GALK2: variants seen among roughly 807,000 people sequenced by gnomAD.
GALK2 encodes the protein N-acetylgalactosamine kinase.
GALK2 carries 36 observed loss-of-function variants against 52.4 expected under a neutral mutation model. The ratio of observed to expected loss-of-function variants is 0.69; its 90% CI spans 0.53 to 0.91. The LOEUF (loss-of-function observed/expected upper bound fraction) is 0.91, where lower values mean the gene tolerates loss of function less well. Among genes scored for constraint, GALK2 ranks in the 40% least tolerant of loss-of-function variants. The probability of loss-of-function intolerance (pLI) is 0.00; values close to 1 mark genes in which losing one functional copy is unlikely to be tolerated. For missense variants in GALK2, 579 were observed against 559.1 expected (o/e 1.04, Z -0.36); for synonymous variants, 176 against 199.1 (o/e 0.88, Z 0.98).
At chr15:49,251,481 A>G (rs111450060) in intron 5 of GALK2, among the ~76,000 whole-genome samples, 1,957 of 152,316 alleles carry the variant, frequency 0.013, 25 homozygotes, top group South Asian at 0.053. Context: ...GTGCTGGCAG[A>G]GGTTCATTAC....
At chr15:49,203,527 T>A (rs913340581) in intron 2 of GALK2, among the ~76,000 whole-genome samples, 2 of 152,212 alleles carry the variant, frequency 1.3e-5, no homozygotes, top group African/African-American at 4.8e-5. Context: ...GCTTTTTAGT[T>A]TGATATAATT....
At chr15:49,299,759 C>CTTTCT (rs1567037515) in intron 8 of GALK2, among the ~76,000 whole-genome samples, 3 of 113,452 alleles carry the variant, frequency 2.6e-5, no homozygotes, top group African/African-American at 9.7e-5. Context: ...TTCTTTCTTT[C>CTTTCT]TTTCTTTCTT....
At chr15:49,295,622 G>C (rs1486485848) in intron 8 of GALK2, among the ~76,000 whole-genome samples, 1 of 152,088 alleles carries the variant, frequency 6.6e-6, no homozygotes, top group Non-Finnish European at 1.5e-5. Flanking sequence ...TCTTAACTAA[G>C]TTCTGTCCTG....
intron 1 of GALK2, among the ~76,000 whole-genome samples, chr15:49,191,376 G>T (rs1212840249): frequency 6.6e-6 from 1 of 151,914 alleles, no homozygotes; most frequent in African/African-American, 2.4e-5. Context: ...ACTTAGTTTT[G>T]GTTTGCTGAT....
chr15:49,207,816 C>T (rs1444308082), intron 2 of GALK2, among the ~76,000 whole-genome samples: 1 of 152,102 alleles, frequency 6.6e-6, no homozygotes, highest in Non-Finnish European at 1.5e-5. Context: ...TCGCTTTTGT[C>T]ACCCAGGCTG....
chr15:49,340,133 T>C (rs188862007), intron 3 of GALK2, among the ~76,000 whole-genome samples: 21 of 152,276 alleles, frequency 1.4e-4, no homozygotes, highest in Non-Finnish European at 2.8e-4. Context: ...AACTGTTCTG[T>C]CTCACTGGTG....
chr15:49,183,348 G>T lies in GALK2; in HGVS notation c.53+12973G>T, dbSNP rs184287776. Reference sequence around the variant, plus strand: ...TCCATCACTGTAACCCAAAGGTTTTGCTGTGTTGTGTTTCCATTTTTATTT... The same window carrying T: ...TCCATCACTGTAACCCAAAGGTTTTTCTGTGTTGTGTTTCCATTTTTATTT... On this transcript the variant is annotated intron_variant, in intron 1 of 9. Transcript: ENST00000560031. 3.0e-3 allele frequency among the ~76,000 whole-genome samples: 455 copies of T among 152,136 alleles called. 4 individuals carry two copies. The highest frequency in any genetic ancestry group is 0.01 in the African/African-American group (431 of 41,510).
At chr15:49,340,369 G>A (rs774988917) in intron 3 of GALK2, among the ~76,000 whole-genome samples, 2 of 151,236 alleles carry the variant, frequency 1.3e-5, no homozygotes, top group East Asian at 2.0e-4. Flanking sequence ...GGAGTTCCCC[G>A]GCCCCTTGTG....
At chr15:49,324,039 C>T (rs2037121987) in intron 9 of GALK2, among the ~76,000 whole-genome samples, 1 of 152,066 alleles carries the variant, frequency 6.6e-6, no homozygotes, top group Non-Finnish European at 1.5e-5. Context: ...AATTTTGAAA[C>T]CAAGTCAGTT....
At position 49,299,807 on chromosome 15, in the gene GALK2, TGAGAG is replaced by T. The variant is rs1555428437; in HGVS notation, c.967+7271_967+7275del. 9.4e-3 allele frequency among the ~76,000 whole-genome samples: 1,278 copies of T among 135,352 alleles called. 31 individuals carry two copies. The highest frequency in any genetic ancestry group is 0.021 in the African/African-American group (730 of 34,838). The allele number at this position is 135,352 out of a possible 152,430, so 88.8% of individuals were successfully genotyped here. A position where few individuals can be genotyped will look rare whatever the true frequency, so the allele number is the denominator to read the frequency against. On this transcript the variant is annotated intron_variant, in intron 8 of 9. Coordinates refer to ENST00000560031, the MANE Select transcript of GALK2 (RefSeq NM_002044.4). ...TCTTTCTTTCTTTCGTGCTGTAGTC[TGAGAG>T]CGTGATTGGTATGATTTTTTTTTTA...
intron 8 of GALK2, among the ~76,000 whole-genome samples, chr15:49,299,710 C>CTTTCTTTCTTTCTTTCTTTCTTTCTTTCT (rs2034808992): frequency 1.2e-4 from 3 of 25,368 alleles, no homozygotes; most frequent in Non-Finnish European, 1.7e-4. Context: ...CTTGGTATTG[C>CTTTCTTTCTTTCTTTCTTTCTTTCTTTCT]TTTCTTTCTT....
chr15:49,331,996 T>C (rs77913490), downstream of GALK2: 10,832 of 619,268 alleles, frequency 0.017, 328 homozygotes, highest in East Asian at 0.062. Context: ...TTAAAACTTC[T>C]GAAGTAGGTA....
intron 7 of GALK2, among the ~76,000 whole-genome samples, chr15:49,290,413 A>G (rs2033819681): frequency 6.6e-6 from 1 of 152,208 alleles, no homozygotes; most frequent in Non-Finnish European, 1.5e-5. Flanking sequence ...GTGTCACAGT[A>G]AAGTGGGATA....
In GALK2 at chr15:49,200,153, A is replaced by G. The variant is rs12900719; in HGVS notation, c.54-1009A>G. 2.4e-3 allele frequency among the ~76,000 whole-genome samples: 373 copies of G among 152,310 alleles called. 3 individuals are homozygous for G. The highest frequency in any genetic ancestry group is 4.3e-3 in the South Asian group (21 of 4,828). ...CACAGAATTGACTTGAGATAATTTG[A>G]GAGTATCAAGTTATTAAATATATTA... On this transcript the variant is annotated intron_variant, in intron 1 of 9. Coordinates refer to ENST00000560031, the MANE Select transcript of GALK2 (RefSeq NM_002044.4).
At chr15:49,351,923 G>A (rs1002788360) in intron 3 of GALK2, among the ~76,000 whole-genome samples, 2 of 152,074 alleles carry the variant, frequency 1.3e-5, no homozygotes, top group South Asian at 4.2e-4. Context: ...AAAAACTTAG[G>A]GGCATAAAGC....
intron 3 of GALK2, among the ~76,000 whole-genome samples, chr15:49,344,837 T>C (rs1265492932): frequency 6.6e-6 from 1 of 152,220 alleles, no homozygotes; most frequent in Non-Finnish European, 1.5e-5. Context: ...AAGTTACTTT[T>C]AATGCCCGTC....
rs576748710 is a variant in GALK2 at position 49,365,577 on chromosome 15, C to G, written c.427-1914C>G. 11 of 904,374 alleles carry G rather than the reference C, an allele frequency of 1.2e-5. 1 individual carries two copies. The African/African-American group carries it at 1.6e-4, about 13-fold the overall frequency. 56.0% of individuals were successfully genotyped at this position (904,374 alleles called of 1,614,324 possible). A position where few individuals can be genotyped will look rare whatever the true frequency, so the allele number is the denominator to read the frequency against. On this transcript the variant is annotated intron_variant, in intron 3 of 3. Coordinates refer to the GALK2 transcript ENST00000558399. ...CAAAAGGTCCAGCTGCAAGTTTAAC[C>G]ATGATACTCTCACCATTCTTTGTGA...
At chr15:49,232,258 C>G (rs1484990432) in intron 3 of GALK2, among the ~76,000 whole-genome samples, 1 of 152,206 alleles carries the variant, frequency 6.6e-6, no homozygotes, top group Admixed American at 6.5e-5. Context: ...TCTGAAGCAG[C>G]AGCCTGAGCT....
At chr15:49,361,142 A>G (rs1170051300) in intron 3 of GALK2, among the ~76,000 whole-genome samples, 1 of 152,208 alleles carries the variant, frequency 6.6e-6, no homozygotes, top group Non-Finnish European at 1.5e-5. Context: ...ATGTATACAT[A>G]TATCATAACA....
Sources: gnomAD v4.1 joint callset for allele counts (sites outside exome capture counted in the v4.1 genomes callset) on GRCh38, gnomAD v4.1.1 for gene constraint, MANE v1.5 for transcripts, NCBI Gene and HGNC (gene_info 2026-07-23, HGNC 2026-07-21) for gene names.